Variants in NKAIN3 observed in about 807,000 individuals in gnomAD.
NKAIN3 encodes the protein sodium/potassium-transporting ATPase subunit beta-1-interacting protein 3.
In NKAIN3, 25 loss-of-function variants were observed where a neutral mutation model predicts 30.2. That is an observed-to-expected ratio of 0.83 (90% CI 0.60 to 1.16). The LOEUF is 1.16. NKAIN3 is among the 50% of genes most tolerant of loss of function. NKAIN3 has a pLI of 0.00. For synonymous variants in NKAIN3, 91 were observed against 89.6 expected (o/e 1.02, Z -0.09); for missense variants, 225 against 254.1 (o/e 0.89, Z 0.78).
intron 3 of NKAIN3, among the ~76,000 whole-genome samples, chr8:62,590,892 G>A (rs1810631237): frequency 6.6e-6 from 1 of 151,922 alleles, no homozygotes; most frequent in African/African-American, 2.4e-5. Flanking sequence ...CAGAAGCAAC[G>A]TTTCCAATAT....
intron 1 of NKAIN3, among the ~76,000 whole-genome samples, chr8:62,379,852 T>C (rs1245966995): frequency 2.6e-5 from 4 of 152,180 alleles, no homozygotes; most frequent in Non-Finnish European, 5.9e-5. Flanking sequence ...GACTCCTACA[T>C]AGTTTACCTC....
At chr8:62,369,556 A>G (rs1816840342) in intron 1 of NKAIN3, among the ~76,000 whole-genome samples, 1 of 152,068 alleles carries the variant, frequency 6.6e-6, no homozygotes, top group African/African-American at 2.4e-5. Context: ...CATCTACAAC[A>G]CCTGTTCAAA....
intron 1 of NKAIN3, among the ~76,000 whole-genome samples, chr8:62,527,803 AT>A (rs1291904433): frequency 8.6e-5 from 13 of 151,904 alleles, no homozygotes; most frequent in African/African-American, 3.1e-4. Context: ...AATCCTAAAG[AT>A]TCTTCCTAGG....
intron 4 of NKAIN3, among the ~76,000 whole-genome samples, chr8:62,750,290 G>A (rs925731988): frequency 4.6e-5 from 7 of 152,054 alleles, no homozygotes; most frequent in Non-Finnish European, 8.8e-5. Flanking sequence ...CGAATGAGAG[G>A]GAAGTATTTG....
At chr8:62,914,398 G>A (rs559412850) in intron 4 of NKAIN3, among the ~76,000 whole-genome samples, 1 of 152,188 alleles carries the variant, frequency 6.6e-6, no homozygotes, top group Admixed American at 6.6e-5. Context: ...TTGGGTACTG[G>A]ACTTAATACC....
intron 3 of NKAIN3, among the ~76,000 whole-genome samples, chr8:62,732,064 T>C (rs1815485582): frequency 6.6e-6 from 1 of 152,162 alleles, no homozygotes; most frequent in Admixed American, 6.5e-5. Context: ...ACCAGACGGA[T>C]ATGCAATTGG....
At chr8:62,284,706 T>G (rs1190956113) in intron 1 of NKAIN3, among the ~76,000 whole-genome samples, 1 of 151,978 alleles carries the variant, frequency 6.6e-6, no homozygotes, top group African/African-American at 2.4e-5. Context: ...TCATTCAAGA[T>G]CCAGCAGTAA....
At chr8:62,443,314 A>T (rs1805386874) in intron 1 of NKAIN3, among the ~76,000 whole-genome samples, 1 of 152,002 alleles carries the variant, frequency 6.6e-6, no homozygotes, top group Non-Finnish European at 1.5e-5. Flanking sequence ...TCGTAGTATT[A>T]TATATTGTCC....
At chr8:62,374,758 T>C (rs1399467228) in intron 1 of NKAIN3, among the ~76,000 whole-genome samples, 6 of 152,260 alleles carry the variant, frequency 3.9e-5, no homozygotes. Flanking sequence ...CAAACAAATG[T>C]GTGTTAAAAC....
At chr8:62,940,919 A>G (rs1207137197) in intron 5 of NKAIN3, among the ~76,000 whole-genome samples, 1 of 151,598 alleles carries the variant, frequency 6.6e-6, no homozygotes, top group Admixed American at 6.6e-5. Context: ...TGATCAGAGC[A>G]GAACCAAATA....
intron 4 of NKAIN3, among the ~76,000 whole-genome samples, chr8:62,912,244 G>C (rs1234687241): frequency 6.6e-6 from 1 of 152,034 alleles, no homozygotes; most frequent in Non-Finnish European, 1.5e-5. Flanking sequence ...CCTGTATATT[G>C]ATAAGCACTT....
chr8:62,943,444 A>G (rs1214898060), intron 5 of NKAIN3, among the ~76,000 whole-genome samples: 1 of 152,142 alleles, frequency 6.6e-6, no homozygotes, highest in Non-Finnish European at 1.5e-5. Flanking sequence ...GCTGGTGGAA[A>G]TGTAAACTAG....
At chr8:62,453,189 T>A (rs1362677836) in intron 1 of NKAIN3, among the ~76,000 whole-genome samples, 3 of 152,140 alleles carry the variant, frequency 2.0e-5, no homozygotes, top group African/African-American at 4.8e-5. Flanking sequence ...AAGAAAAAAT[T>A]CAATATCATA....
chr8:62,400,163 CTTTT>C (rs71255333), intron 1 of NKAIN3, among the ~76,000 whole-genome samples: 1 of 122,256 alleles, frequency 8.2e-6, no homozygotes. Context: ...GCTATATTTT[CTTTT>C]TTTTTTTTTT....
intron 1 of NKAIN3, among the ~76,000 whole-genome samples, chr8:62,298,777 A>C (rs2129587773): frequency 6.6e-6 from 1 of 151,770 alleles, no homozygotes; most frequent in African/African-American, 2.4e-5. Context: ...TGTGGCATTT[A>C]TCATAACCAG....
At chr8:62,286,355 C>T (rs779164436) in intron 1 of NKAIN3, among the ~76,000 whole-genome samples, 1 of 152,090 alleles carries the variant, frequency 6.6e-6, no homozygotes, top group Non-Finnish European at 1.5e-5. Flanking sequence ...GCATCCTTGA[C>T]TCTTTTGTAT....
At chr8:62,874,523 C>G (rs575316802) in intron 4 of NKAIN3, among the ~76,000 whole-genome samples, 1 of 152,282 alleles carries the variant, frequency 6.6e-6, no homozygotes, top group East Asian at 1.9e-4. Flanking sequence ...AAAAAGAAAA[C>G]TTCAGGCAAA....
At chr8:62,699,115 A>T (rs146289585) in intron 3 of NKAIN3, among the ~76,000 whole-genome samples, 2 of 152,142 alleles carry the variant, frequency 1.3e-5, no homozygotes, top group African/African-American at 4.8e-5. Flanking sequence ...ATATTTACAC[A>T]TTATCGCTTA....
chr8:62,399,903 A>C (rs1399503434), intron 1 of NKAIN3, among the ~76,000 whole-genome samples: 1 of 152,206 alleles, frequency 6.6e-6, no homozygotes. Flanking sequence ...TTCTTCACAG[A>C]GTTAAAAACT....
Sources: gnomAD v4.1 joint callset for allele counts (sites outside exome capture counted in the v4.1 genomes callset) on GRCh38, gnomAD v4.1.1 for gene constraint, MANE v1.5 for transcripts, NCBI Gene and HGNC (gene_info 2026-07-23, HGNC 2026-07-21) for gene names.